Variants in CSMD1 observed in about 807,000 individuals in gnomAD.
CSMD1 encodes the protein CUB and sushi domain-containing protein 1.
In CSMD1, 213 loss-of-function variants were observed where a neutral mutation model predicts 417.5. The ratio of observed to expected loss-of-function variants is 0.51; its 90% CI spans 0.46 to 0.57. The LOEUF is 0.57. Among genes scored for constraint, CSMD1 ranks in the 20% least tolerant of loss-of-function variants. CSMD1 has a pLI of 0.00. For synonymous variants in CSMD1, 2,862 were observed against 1,736.8 expected, an observed-to-expected ratio of 1.65 and a Z score of -16.11; for missense variants, 6,923 against 4,529.7, an observed-to-expected ratio of 1.53 and a Z score of -15.17.
chr8:4,344,948 G>A (rs1800697010), intron 3 of CSMD1, among the ~76,000 whole-genome samples: 1 of 152,122 alleles, frequency 6.6e-6, no homozygotes, highest in Admixed American at 6.5e-5. Flanking sequence ...CTGTTCCAAT[G>A]TGCAAAGATT....
At chr8:4,277,192 A>G (rs1796534749) in intron 3 of CSMD1, among the ~76,000 whole-genome samples, 1 of 126,214 alleles carries the variant, frequency 7.9e-6, no homozygotes, top group South Asian at 3.5e-4. Context: ...TGTCATCTAC[A>G]GATAACATAT....
chr8:4,146,831 C>G (rs1373959568), intron 3 of CSMD1, among the ~76,000 whole-genome samples: 2 of 149,630 alleles, frequency 1.3e-5, no homozygotes, highest in East Asian at 3.9e-4. Context: ...AGGATAGTCT[C>G]GATCTCCTGA....
intron 5 of CSMD1, among the ~76,000 whole-genome samples, chr8:3,759,211 T>C (rs1797848969): frequency 6.6e-6 from 1 of 152,224 alleles, no homozygotes; most frequent in Non-Finnish European, 1.5e-5. Flanking sequence ...ATTAAATATG[T>C]ATAGCTTTTA....
intron 1 of CSMD1, among the ~76,000 whole-genome samples, chr8:4,782,790 G>C (rs1044818966): frequency 2.0e-5 from 3 of 152,044 alleles, no homozygotes; most frequent in Non-Finnish European, 2.9e-5. Context: ...CAAGATTCCT[G>C]ATTATATCTA....
intron 3 of CSMD1, among the ~76,000 whole-genome samples, chr8:4,102,485 T>G (rs1022841736): frequency 6.6e-6 from 1 of 152,138 alleles, no homozygotes; most frequent in Non-Finnish European, 1.5e-5. Context: ...ATCTGTCACT[T>G]GAGGGGCAGA....
intron 2 of CSMD1, among the ~76,000 whole-genome samples, chr8:4,599,858 G>C (rs549469837): frequency 6.6e-6 from 1 of 152,156 alleles, no homozygotes; most frequent in Non-Finnish European, 1.5e-5. Flanking sequence ...CCAACTTAGA[G>C]ACAATTAAAG....
intron 25 of CSMD1, among the ~76,000 whole-genome samples, chr8:3,292,143 G>C (rs1459823095): frequency 6.6e-6 from 1 of 152,242 alleles, no homozygotes; most frequent in Non-Finnish European, 1.5e-5. Context: ...AGTGTTGAAT[G>C]AGTTTCTTTA....
intron 3 of CSMD1, among the ~76,000 whole-genome samples, chr8:4,275,139 A>T (rs567964594): frequency 6.6e-6 from 1 of 152,200 alleles, no homozygotes; most frequent in Non-Finnish European, 1.5e-5. Context: ...ATAGTCAATA[A>T]AAGAGTAGCT....
chr8:3,234,475 A>G (rs944569385), intron 26 of CSMD1, among the ~76,000 whole-genome samples: 13 of 152,166 alleles, frequency 8.5e-5, no homozygotes, highest in Non-Finnish European at 5.9e-5. Flanking sequence ...ACTTGAAAAC[A>G]GCACTCTCAG....
Position 3,205,599 on chromosome 8 carries a change from G to C in CSMD1, c.4889C>G (p.Thr1630Arg). Residue 1630 changes from threonine (T) to arginine (R), a missense_variant, in exon 31 of 70, where the codon ACG becomes AGG. By Grantham distance (71) the Thr-to-Arg change is moderately conservative. Transcript: ENST00000635120. ...TGATAAAACTACCCCTTCTGATCCCGTGTACTGGCCTCCACAGGGAGCTGA... is the reference window on the plus strand; with the variant it reads ...TGATAAAACTACCCCTTCTGATCCCCTGTACTGGCCTCCACAGGGAGCTGA... ...SCNAPCGGQY[T>R]GSEGVVLSPN... is the part of the protein sequence containing the mutation. The C allele has an allele frequency of 6.3e-7, 1 of 1,575,902 alleles. No individual in the cohort carries two copies. The highest frequency in any genetic ancestry group is 1.8e-5 in the Admixed American group (1 of 56,046).
chr8:3,695,072 G>A (rs1031285288), intron 7 of CSMD1, among the ~76,000 whole-genome samples: 1 of 141,548 alleles, frequency 7.1e-6, no homozygotes, highest in Non-Finnish European at 1.5e-5. Context: ...CATCACAAAA[G>A]AATTGGAGGC....
Position 3,772,519 on chromosome 8 carries a change from A to C in CSMD1, c.819-18477T>G, listed in dbSNP as rs796739218. 4.3e-3 allele frequency among the ~76,000 whole-genome samples: 140 copies of C among 32,220 alleles called. 7 individuals are homozygous for C. The highest frequency in any genetic ancestry group is 0.013 in the Admixed American group (20 of 1,524). 21.1% of individuals were successfully genotyped at this position (32,220 alleles called of 152,430 possible). On this transcript the variant is annotated intron_variant, in intron 5 of 69. Transcript: ENST00000635120. ...TATACATATATACACATATATACATATATACACATATATACATATATACAC... is the reference window on the plus strand; with the variant it reads ...TATACATATATACACATATATACATCTATACACATATATACATATATACAC...
chr8:4,468,868 T>G (rs1448090014), intron 2 of CSMD1, among the ~76,000 whole-genome samples: 1 of 152,142 alleles, frequency 6.6e-6, no homozygotes, highest in Admixed American at 6.5e-5. Context: ...ATTATAAACT[T>G]GAACACTGCA....
intron 1 of CSMD1, among the ~76,000 whole-genome samples, chr8:4,746,239 C>A (rs1047683550): frequency 1.3e-5 from 2 of 152,064 alleles, no homozygotes; most frequent in Admixed American, 6.6e-5. Context: ...GTATGGCCAA[C>A]AAATTCCAGC....
intron 7 of CSMD1, among the ~76,000 whole-genome samples, chr8:3,686,185 G>C (rs548676240): frequency 6.6e-6 from 1 of 152,188 alleles, no homozygotes; most frequent in South Asian, 2.1e-4. Context: ...ATTAAGCTTG[G>C]GCTTGTTTCT....
intron 3 of CSMD1, among the ~76,000 whole-genome samples, chr8:4,408,076 T>C (rs1410439199): frequency 1.3e-5 from 2 of 152,134 alleles, no homozygotes; most frequent in African/African-American, 4.8e-5. Context: ...TATTCTAATA[T>C]TTAAAAGCAT....
chr8:3,747,301 T>C (rs1157902751), intron 6 of CSMD1, among the ~76,000 whole-genome samples: 2 of 152,216 alleles, frequency 1.3e-5, no homozygotes, highest in African/African-American at 4.8e-5. Flanking sequence ...TCTAGGTAAT[T>C]TTATGTGGCC....
chr8:3,362,571 T>C (rs1809265258), intron 20 of CSMD1, among the ~76,000 whole-genome samples: 1 of 152,230 alleles, frequency 6.6e-6, no homozygotes, highest in African/African-American at 2.4e-5. Flanking sequence ...ATTAATTCTA[T>C]GCCGATGGGT....
At chr8:3,139,725 G>A (rs1336507459) in intron 41 of CSMD1, among the ~76,000 whole-genome samples, 2 of 152,142 alleles carry the variant, frequency 1.3e-5, no homozygotes, top group East Asian at 1.9e-4. Context: ...GTGTCGATGT[G>A]TGAGAGACAG....
Sources: allele counts gnomAD v4.1 joint callset (sites outside exome capture counted in the v4.1 genomes callset), GRCh38; gene constraint gnomAD v4.1.1; transcripts MANE v1.5; gene names NCBI Gene and HGNC (gene_info 2026-07-23, HGNC 2026-07-21).